TMEM132C: variants seen among roughly 807,000 people sequenced by gnomAD.
TMEM132C encodes protein phosphatase 1, regulatory subunit 152.
A neutral mutation model predicts 61.4 loss-of-function variants in TMEM132C; 29 were observed. That is an observed-to-expected ratio of 0.47 (90% CI 0.35 to 0.64). TMEM132C has a LOEUF of 0.64. TMEM132C is among the 30% of genes least tolerant of loss of function. The pLI is 0.00. For synonymous variants in TMEM132C, 656 were observed against 633.1 expected (o/e 1.04, Z -0.54); for missense variants, 1,408 against 1,476.9 (o/e 0.95, Z 0.76).
At chr12:128,379,989 G>C (rs189860913) in intron 1 of TMEM132C, among the ~76,000 whole-genome samples, 53 of 152,344 alleles carry the variant, frequency 3.5e-4, no homozygotes, top group Middle Eastern at 6.8e-3. Context: ...ACTTGTCACA[G>C]TTCTGCCACT....
intron 3 of TMEM132C, among the ~76,000 whole-genome samples, chr12:128,560,176 G>T (rs968363412): frequency 1.3e-5 from 2 of 152,232 alleles, no homozygotes; most frequent in Non-Finnish European, 2.9e-5. Flanking sequence ...CAGCCCAGGC[G>T]ACAGAAGCTG....
chr12:128,330,900 CAT>C (rs34108037), intron 1 of TMEM132C, among the ~76,000 whole-genome samples: 15,378 of 151,846 alleles, frequency 0.1, 2,158 homozygotes, highest in African/African-American at 0.32. Flanking sequence ...TAAATGTATA[CAT>C]ATATATATAC....
chr12:128,636,642 A>G (rs1954106840), intron 4 of TMEM132C, among the ~76,000 whole-genome samples: 1 of 150,258 alleles, frequency 6.7e-6, no homozygotes. Context: ...CCCCCTTAAC[A>G]CTAGTTTTAA....
chr12:128,486,528 C>T (rs1240550497), intron 2 of TMEM132C, among the ~76,000 whole-genome samples: 2 of 152,136 alleles, frequency 1.3e-5, no homozygotes, highest in African/African-American at 2.4e-5. Context: ...TTTTCAAAGC[C>T]CTGCCCTGTG....
chr12:128,310,141 T>A (rs1404400460), intron 1 of TMEM132C, among the ~76,000 whole-genome samples: 2 of 152,238 alleles, frequency 1.3e-5, no homozygotes, highest in Non-Finnish European at 2.9e-5. Context: ...TTCTACCCTT[T>A]GACTATTGTG....
intron 1 of TMEM132C, among the ~76,000 whole-genome samples, chr12:128,375,045 TG>T (rs1310712969): frequency 2.5e-4 from 2 of 7,904 alleles, no homozygotes; most frequent in East Asian, 3.6e-3. Context: ...GTGGGTGGGG[TG>T]GGGGGTATCC....
intron 1 of TMEM132C, among the ~76,000 whole-genome samples, chr12:128,335,086 G>A (rs529727392): frequency 6.6e-5 from 10 of 152,148 alleles, no homozygotes; most frequent in Non-Finnish European, 8.8e-5. Flanking sequence ...GCCACATTTC[G>A]TTTTAAAATT....
At chr12:128,330,901 A>G (rs1042261479) in intron 1 of TMEM132C, among the ~76,000 whole-genome samples, 1 of 125,554 alleles carries the variant, frequency 8.0e-6, no homozygotes. Context: ...AAATGTATAC[A>G]TATATATATA....
intron 1 of TMEM132C, among the ~76,000 whole-genome samples, chr12:128,273,640 TTGAG>T (rs1870591649): frequency 6.6e-6 from 1 of 152,160 alleles, no homozygotes; most frequent in African/African-American, 2.4e-5. Context: ...AGCTTTTATA[TTGAG>T]TATTTTCTAT....
At chr12:128,275,832 C>T (rs1008871927) in intron 1 of TMEM132C, among the ~76,000 whole-genome samples, 2 of 152,176 alleles carry the variant, frequency 1.3e-5, no homozygotes, top group Non-Finnish European at 2.9e-5. Flanking sequence ...GGTCCTCTCA[C>T]AATTCTGGGG....
intron 1 of TMEM132C, among the ~76,000 whole-genome samples, chr12:128,309,416 G>A (rs1428436715): frequency 6.6e-6 from 1 of 152,166 alleles, no homozygotes; most frequent in East Asian, 1.9e-4. Context: ...GCATTTTGAA[G>A]TGTACAATTC....
chr12:128,664,676 G>A (rs1566007805), intron 4 of TMEM132C, among the ~76,000 whole-genome samples: 2 of 152,162 alleles, frequency 1.3e-5, no homozygotes, highest in African/African-American at 2.4e-5. Context: ...CATCAGAGCC[G>A]GATGGGGCCA....
At chr12:128,549,116 G>T (rs908771027) in intron 3 of TMEM132C, among the ~76,000 whole-genome samples, 6 of 152,166 alleles carry the variant, frequency 3.9e-5, no homozygotes, top group African/African-American at 1.4e-4. Context: ...GACTGCCTTG[G>T]GGTGTGAGCT....
intron 3 of TMEM132C, among the ~76,000 whole-genome samples, chr12:128,587,455 C>T (rs1341021010): frequency 6.6e-6 from 1 of 152,202 alleles, no homozygotes; most frequent in Non-Finnish European, 1.5e-5. Context: ...GACCTAATCA[C>T]CTCGCTAAAA....
intron 3 of TMEM132C, among the ~76,000 whole-genome samples, chr12:128,573,940 G>T (rs1185708018): frequency 6.7e-6 from 1 of 149,822 alleles, no homozygotes; most frequent in Non-Finnish European, 1.5e-5. Context: ...GACTCCATTT[G>T]CAGAGCCCTT....
chr12:128,362,385 G>A (rs1028430425), intron 1 of TMEM132C, among the ~76,000 whole-genome samples: 1 of 152,158 alleles, frequency 6.6e-6, no homozygotes, highest in Non-Finnish European at 1.5e-5. Flanking sequence ...GTGAGACTGT[G>A]TTAAAAGGTA....
At position 128,552,925 on chromosome 12, in the gene TMEM132C, A is replaced by C. The variant is rs181475563; in HGVS notation, c.1121+8822A>C. Among the ~76,000 whole-genome samples, 523 of 148,870 alleles carry C rather than the reference A, an allele frequency of 3.5e-3. 4 individuals are homozygous for C. The highest frequency in any genetic ancestry group is 4.5e-3 in the Non-Finnish European group (306 of 67,994). On this transcript the variant is annotated intron_variant, in intron 3 of 8. Transcript: ENST00000435159. ...TCTGTCTCAAAAACAAACAAACAAA[A>C]AAAAAGCATAAAAATCCTATTGAAG... is the stretch of plus-strand genomic sequence containing the variant.
intron 4 of TMEM132C, among the ~76,000 whole-genome samples, chr12:128,666,994 C>T (rs9738264): frequency 0.057 from 8,649 of 152,170 alleles, 719 homozygotes; most frequent in African/African-American, 0.18. Context: ...GGCGTGAACC[C>T]GGGAGGCGGA....
At chr12:128,375,613 C>T (rs1874169711) in intron 1 of TMEM132C, among the ~76,000 whole-genome samples, 1 of 152,136 alleles carries the variant, frequency 6.6e-6, no homozygotes, top group Non-Finnish European at 1.5e-5. Context: ...AAGATGATTT[C>T]ATCTCGTGTT....
Sources: gnomAD v4.1 joint callset for allele counts (sites outside exome capture counted in the v4.1 genomes callset) on GRCh38, gnomAD v4.1.1 for gene constraint, MANE v1.5 for transcripts, NCBI Gene and HGNC (gene_info 2026-07-23, HGNC 2026-07-21) for gene names.